The following FGF13 variants were observed in gnomAD, a reference collection of about 807,000 sequenced individuals.
The protein encoded by FGF13 is fibroblast growth factor homologous factor 2.
A neutral mutation model predicts 19.5 loss-of-function variants in FGF13; 2 were observed. The ratio of observed to expected loss-of-function variants is 0.10; its 90% CI spans 0.04 to 0.32. FGF13 has a LOEUF of 0.32. Among genes scored for constraint, FGF13 ranks in the 10% least tolerant of loss-of-function variants. FGF13 has a pLI of 1.00. For synonymous variants in FGF13, 72 were observed against 76.9 expected (o/e 0.94, Z 0.33); for missense variants, 113 against 192.7 (o/e 0.59, Z 2.45).
intron 3 of FGF13, among the ~76,000 whole-genome samples, chrX:138,802,710 T>G (rs2090838665): frequency 9.0e-6 from 1 of 111,531 alleles, no homozygotes; most frequent in African/African-American, 3.3e-5. Context: ...GCTCTTTGTC[T>G]TTTCCTTTCT....
chrX:138,663,362 T>C (rs770360516), intron 3 of FGF13, among the ~76,000 whole-genome samples: 1 of 111,735 alleles, frequency 8.9e-6, no homozygotes, highest in South Asian at 3.7e-4. Flanking sequence ...ATCAATCTTG[T>C]GTTAAATTGC....
At chrX:138,902,827 A>C (rs1421893251) in intron 1 of FGF13, among the ~76,000 whole-genome samples, 2 of 111,625 alleles carry the variant, frequency 1.8e-5, no homozygotes, top group Non-Finnish European at 3.8e-5. Context: ...CCTAAGTAAA[A>C]CCACAAAATC....
intron 3 of FGF13, among the ~76,000 whole-genome samples, chrX:138,676,656 C>T (rs1183477202): frequency 9.0e-6 from 1 of 111,329 alleles, no homozygotes; most frequent in African/African-American, 3.3e-5. Context: ...ACTATCCCAC[C>T]TCATATCATC....
At chrX:138,940,765 C>A (rs1249886663) in intron 1 of FGF13, among the ~76,000 whole-genome samples, 6 of 110,183 alleles carry the variant, frequency 5.4e-5, no homozygotes, top group African/African-American at 2.0e-4. Context: ...ATTTCTGGGC[C>A]CTCTATTCTG....
intron 1 of FGF13, among the ~76,000 whole-genome samples, chrX:138,710,516 C>T (rs1245535549): frequency 1.8e-5 from 2 of 111,872 alleles, no homozygotes; most frequent in Non-Finnish European, 3.8e-5. Flanking sequence ...GTCTGGGTCA[C>T]GCCTGCCCAG....
At chrX:138,857,663 G>T in exon 3 of FGF13, 1 of 1,197,119 alleles carries the variant, frequency 8.4e-7, no homozygotes, top group Non-Finnish European at 1.1e-6. Context: ...GTGTGCCAGG[G>T]GGGGCGTCAT....
intron 1 of FGF13, among the ~76,000 whole-genome samples, chrX:139,002,379 G>A (rs1379722859): frequency 9.0e-6 from 1 of 111,220 alleles, no homozygotes; most frequent in African/African-American, 3.3e-5. Flanking sequence ...AAGATGTATT[G>A]CGTTTTTAAA....
chrX:138,880,668 C>T (rs548995547), intron 1 of FGF13, among the ~76,000 whole-genome samples: 39 of 111,910 alleles, frequency 3.5e-4, no homozygotes, highest in African/African-American at 1.2e-3. Context: ...GTCGACTCCG[C>T]AGCACCTGTT....
intron 3 of FGF13, among the ~76,000 whole-genome samples, chrX:138,817,949 G>C (rs142860996): frequency 1.8e-3 from 200 of 111,726 alleles, no homozygotes; most frequent in African/African-American, 6.4e-3. Flanking sequence ...GTATGGATGC[G>C]TTCCAGTAAA....
At chrX:139,001,135 C>A (rs1202133914) in intron 1 of FGF13, among the ~76,000 whole-genome samples, 3 of 111,838 alleles carry the variant, frequency 2.7e-5, no homozygotes, top group Non-Finnish European at 5.6e-5. Flanking sequence ...TAGCCATATG[C>A]AGAAAGCTGA....
chrX:138,940,043 A>G (rs1463955810), intron 1 of FGF13, among the ~76,000 whole-genome samples: 3 of 112,055 alleles, frequency 2.7e-5, no homozygotes. Flanking sequence ...CCAGAATTGT[A>G]TAAGCATTCC....
At chrX:138,852,891 G>A (rs974595533), downstream of FGF13, among the ~76,000 whole-genome samples, 3 of 110,606 alleles carry the variant, frequency 2.7e-5, no homozygotes, top group African/African-American at 9.9e-5. Context: ...TAAAAAGTGG[G>A]CAAAGGACAT....
At chrX:138,766,746 A>G in intron 3 of FGF13, among the ~76,000 whole-genome samples, 1 of 111,878 alleles carries the variant, frequency 8.9e-6, no homozygotes, top group East Asian at 2.8e-4. Context: ...AAAGTGAAGG[A>G]GAGAGATCCT....
chrX:139,040,496 G>A (rs1021156096), intron 1 of FGF13, among the ~76,000 whole-genome samples: 2 of 110,868 alleles, frequency 1.8e-5, no homozygotes, highest in African/African-American at 6.7e-5. Context: ...AATCCTGGGA[G>A]GGGTAGGAGA....
chrX:139,015,821 A>G (rs776202200), intron 1 of FGF13, among the ~76,000 whole-genome samples: 2 of 112,163 alleles, frequency 1.8e-5, no homozygotes, highest in African/African-American at 6.5e-5. Flanking sequence ...CTACAGAGCT[A>G]TAGTAATCAA....
intron 1 of FGF13, among the ~76,000 whole-genome samples, chrX:139,082,970 G>C (rs2083381036): frequency 1.8e-5 from 2 of 111,539 alleles, no homozygotes; most frequent in African/African-American, 6.5e-5. Flanking sequence ...GGCACTCAAT[G>C]AATGTCACCT....
At chrX:138,956,639 G>A (rs1017787377) in intron 1 of FGF13, among the ~76,000 whole-genome samples, 1 of 111,236 alleles carries the variant, frequency 9.0e-6, no homozygotes, top group African/African-American at 3.3e-5. Context: ...TAGATCATGA[G>A]CTTTCAAACT....
intron 3 of FGF13, among the ~76,000 whole-genome samples, chrX:138,809,839 C>T (rs1325922433): frequency 9.0e-6 from 1 of 111,501 alleles, no homozygotes; most frequent in African/African-American, 3.3e-5. Context: ...AACTCCCATT[C>T]ACAACTGCTT....
intron 1 of FGF13, among the ~76,000 whole-genome samples, chrX:138,732,137 T>C (rs1407261885): frequency 9.0e-6 from 1 of 111,549 alleles, no homozygotes; most frequent in Non-Finnish European, 1.9e-5. Flanking sequence ...ACATCACTTG[T>C]GGGGATATAA....
Sources: allele counts gnomAD v4.1 joint callset (sites outside exome capture counted in the v4.1 genomes callset), GRCh38; gene constraint gnomAD v4.1.1; transcripts MANE v1.5; gene names NCBI Gene and HGNC (gene_info 2026-07-23, HGNC 2026-07-21).